The following RBFOX1 variants were observed in gnomAD, a reference collection of about 807,000 sequenced individuals.
RBFOX1 encodes the protein RNA binding protein fox-1 homolog 1.
A neutral mutation model predicts 57.7 loss-of-function variants in RBFOX1; 8 were observed. The ratio of observed to expected loss-of-function variants is 0.14; its 90% CI spans 0.08 to 0.25. The LOEUF (loss-of-function observed/expected upper bound fraction) is 0.25, where lower values mean the gene tolerates loss of function less well. Ranked by LOEUF, RBFOX1 falls within the 10% of genes least tolerant of loss-of-function variation. RBFOX1 has a pLI of 1.00. For missense variants in RBFOX1, 611 were observed against 548.5 expected (o/e 1.11, Z -1.14); for synonymous variants, 326 against 222.4 (o/e 1.47, Z -4.15).
chr16:7,250,450 CA>C, intron 4 of RBFOX1, among the ~76,000 whole-genome samples: 1 of 152,306 alleles, frequency 6.6e-6, no homozygotes, highest in Middle Eastern at 3.4e-3. Flanking sequence ...AAGTGAACCA[CA>C]AGAGTTTCCT....
chr16:7,684,091 C>G (rs1490396201), intron 14 of RBFOX1, among the ~76,000 whole-genome samples: 1 of 152,100 alleles, frequency 6.6e-6, no homozygotes, highest in African/African-American at 2.4e-5. Flanking sequence ...CAAGTTCTGA[C>G]TCTGTACTTA....
chr16:6,899,334 C>T (rs923046482), intron 3 of RBFOX1, among the ~76,000 whole-genome samples: 2 of 152,132 alleles, frequency 1.3e-5, no homozygotes, highest in Non-Finnish European at 2.9e-5. Flanking sequence ...TCCTTGCATT[C>T]CATTTTCTAT....
intron 3 of RBFOX1, among the ~76,000 whole-genome samples, chr16:6,784,297 G>T (rs1015185756): frequency 6.6e-6 from 1 of 151,860 alleles, no homozygotes; most frequent in African/African-American, 2.4e-5. Context: ...GGCATCTTTT[G>T]TTCTTTTTTA....
intron 3 of RBFOX1, among the ~76,000 whole-genome samples, chr16:5,679,870 A>G (rs1248462952): frequency 2.0e-5 from 3 of 152,204 alleles, no homozygotes; most frequent in Admixed American, 1.3e-4. Context: ...ATTAAAGTAC[A>G]GTTCATAGTG....
chr16:5,274,684 A>T (rs192195932), intron 1 of RBFOX1, among the ~76,000 whole-genome samples: 8 of 152,272 alleles, frequency 5.3e-5, no homozygotes, highest in Non-Finnish European at 7.4e-5. Context: ...ATGTTCACTT[A>T]TTAGTGGATG....
chr16:6,803,039 C>G (rs34179124), intron 3 of RBFOX1, among the ~76,000 whole-genome samples: 16,037 of 152,228 alleles, frequency 0.11, 1,019 homozygotes, highest in East Asian at 0.15. Context: ...GGGACTTACT[C>G]ATTTCCATTG....
chr16:6,620,207 C>G (rs1186724429), intron 2 of RBFOX1, among the ~76,000 whole-genome samples: 2 of 152,134 alleles, frequency 1.3e-5, no homozygotes, highest in Non-Finnish European at 2.9e-5. Flanking sequence ...CAAAACCATA[C>G]AGTTACATGG....
At chr16:7,107,178 C>T (rs1297991838) in intron 4 of RBFOX1, among the ~76,000 whole-genome samples, 2 of 152,100 alleles carry the variant, frequency 1.3e-5, no homozygotes, top group African/African-American at 4.8e-5. Flanking sequence ...GCAAAGCCAT[C>T]GAGGCTGAGA....
intron 2 of RBFOX1, among the ~76,000 whole-genome samples, chr16:6,356,994 C>T (rs1040836303): frequency 3.9e-5 from 6 of 152,164 alleles, no homozygotes; most frequent in South Asian, 2.1e-4. Flanking sequence ...ATTCCCCCTT[C>T]CCCGTGCCCT....
chr16:5,618,336 T>TGTGTG (rs1296917681), intron 3 of RBFOX1, among the ~76,000 whole-genome samples: 2 of 93,316 alleles, frequency 2.1e-5, no homozygotes, highest in Non-Finnish European at 3.2e-5. Context: ...CAGATTTTTT[T>TGTGTG]TTTTTGTGTG....
rs77582794 is a variant in RBFOX1 at position 7,580,214 on chromosome 16, A to G, written c.414+294A>G. 5.5e-3 allele frequency among the ~76,000 whole-genome samples: 839 copies of G among 152,250 alleles called. 6 individuals carry two copies. Among genetic ancestry groups the G allele is most frequent in the African/African-American group, 0.019 (780 of 41,560 alleles). ...GATGACCCACTGTTGAAGGAAGCCT[A>G]TTGATGGTCCTAAATCCAATGGCCC... On this transcript the variant is annotated intron_variant, in intron 6 of 15. Transcript: ENST00000550418.
At chr16:6,909,311 C>G (rs1012826425) in intron 3 of RBFOX1, among the ~76,000 whole-genome samples, 1 of 152,158 alleles carries the variant, frequency 6.6e-6, no homozygotes, top group African/African-American at 2.4e-5. Flanking sequence ...GCATCACATA[C>G]CTCCTTCTCT....
At chr16:6,862,976 C>T (rs541031373) in intron 3 of RBFOX1, among the ~76,000 whole-genome samples, 37 of 102,882 alleles carry the variant, frequency 3.6e-4, no homozygotes, top group Admixed American at 1.6e-3. Flanking sequence ...CAGAGGGAGA[C>T]TCTGTCTAAA....
intron 2 of RBFOX1, among the ~76,000 whole-genome samples, chr16:6,496,901 G>C (rs1481669581): frequency 6.6e-6 from 1 of 152,060 alleles, no homozygotes; most frequent in Non-Finnish European, 1.5e-5. Context: ...TGGAGATTGT[G>C]GTGAGCCGAG....
chr16:5,907,716 C>T (rs2058494865), intron 4 of RBFOX1, among the ~76,000 whole-genome samples: 2 of 137,318 alleles, frequency 1.5e-5, no homozygotes, highest in African/African-American at 5.9e-5. Context: ...CTCAAGGAGA[C>T]TATTTATCAT....
At chr16:6,791,756 G>A (rs2154249005) in intron 3 of RBFOX1, among the ~76,000 whole-genome samples, 1 of 152,176 alleles carries the variant, frequency 6.6e-6, no homozygotes, top group Middle Eastern at 3.4e-3. Flanking sequence ...GTGAGAGTCT[G>A]TCTCAAAAAA....
intron 5 of RBFOX1, among the ~76,000 whole-genome samples, chr16:7,520,726 T>G (rs1245081641): frequency 6.6e-6 from 1 of 152,248 alleles, no homozygotes; most frequent in African/African-American, 2.4e-5. Flanking sequence ...TTGCGCTGAC[T>G]ACCAGGTAGT....
intron 14 of RBFOX1, among the ~76,000 whole-genome samples, chr16:7,678,285 C>T (rs1342702576): frequency 6.6e-6 from 1 of 152,098 alleles, no homozygotes; most frequent in Non-Finnish European, 1.5e-5. Flanking sequence ...AAGTTGTTAT[C>T]TCCAACACAC....
chr16:6,941,002 C>T (rs1470440188), intron 3 of RBFOX1, among the ~76,000 whole-genome samples: 1 of 151,860 alleles, frequency 6.6e-6, no homozygotes, highest in South Asian at 2.1e-4. Context: ...CCACCACACC[C>T]GGCCCCCCTT....
Sources: gnomAD v4.1 joint callset for allele counts (sites outside exome capture counted in the v4.1 genomes callset) on GRCh38, gnomAD v4.1.1 for gene constraint, MANE v1.5 for transcripts, NCBI Gene and HGNC (gene_info 2026-07-23, HGNC 2026-07-21) for gene names.